SKAP2: variants seen among roughly 807,000 people sequenced by gnomAD.
The protein encoded by SKAP2 is src kinase associated phosphoprotein 2.
A neutral mutation model predicts 54.9 loss-of-function variants in SKAP2; 28 were observed. The ratio of observed to expected loss-of-function variants is 0.51; its 90% CI spans 0.38 to 0.70. SKAP2 has a LOEUF of 0.70. SKAP2 is among the 30% of genes least tolerant of loss of function. The pLI, the probability that SKAP2 is intolerant of heterozygous loss-of-function variation, is 0.00. For missense variants in SKAP2, 356 were observed against 424.1 expected, an observed-to-expected ratio of 0.84 and a Z score of 1.41; for synonymous variants, 137 against 134.3, an observed-to-expected ratio of 1.02 and a Z score of -0.14.
intron 4 of SKAP2, among the ~76,000 whole-genome samples, chr7:26,783,909 T>C (rs929653326): frequency 2.0e-5 from 3 of 151,682 alleles, no homozygotes; most frequent in African/African-American, 4.9e-5. Flanking sequence ...AACCTGCACA[T>C]TATGCACATG....
chr7:26,826,273 A>G (rs530656910), intron 4 of SKAP2, among the ~76,000 whole-genome samples: 3 of 152,198 alleles, frequency 2.0e-5, no homozygotes, highest in Non-Finnish European at 4.4e-5. Flanking sequence ...GTGGGTGGTC[A>G]TCTTTGCCAC....
intron 1 of SKAP2, among the ~76,000 whole-genome samples, chr7:26,860,342 C>A (rs1190897693): frequency 1.3e-5 from 2 of 152,140 alleles, no homozygotes; most frequent in Non-Finnish European, 2.9e-5. Context: ...TTAGCCCATA[C>A]AAAAAACTCT....
At chr7:26,720,920 A>G (rs999404009) in intron 9 of SKAP2, among the ~76,000 whole-genome samples, 1 of 152,186 alleles carries the variant, frequency 6.6e-6, no homozygotes, top group African/African-American at 2.4e-5. Context: ...CAGCCAAACC[A>G]TATCACCATC....
chr7:26,843,273 G>A (rs1159599158), intron 4 of SKAP2, among the ~76,000 whole-genome samples: 1 of 151,956 alleles, frequency 6.6e-6, no homozygotes, highest in African/African-American at 2.4e-5. Flanking sequence ...AACTTTGAGT[G>A]CTACAAATTA....
At chr7:26,730,345 T>C (rs1017710292) in intron 6 of SKAP2, among the ~76,000 whole-genome samples, 2 of 152,344 alleles carry the variant, frequency 1.3e-5, no homozygotes, top group East Asian at 3.9e-4. Context: ...AAAGTCCATT[T>C]ACCCAGCACT....
intron 9 of SKAP2, among the ~76,000 whole-genome samples, chr7:26,691,881 A>G (rs1322880476): frequency 6.6e-6 from 1 of 152,190 alleles, no homozygotes; most frequent in South Asian, 2.1e-4. Flanking sequence ...GGTAGGAGTT[A>G]CGCTCATAGT....
chr7:26,786,659 C>T (rs936206048), intron 4 of SKAP2, among the ~76,000 whole-genome samples: 19 of 152,334 alleles, frequency 1.2e-4, no homozygotes, highest in Non-Finnish European at 2.5e-4. Context: ...TAAAGGAAAA[C>T]ATTCTTAATT....
intron 10 of SKAP2, 93 bp from the exon 11 acceptor site, chr7:26,684,941 A>T: frequency 1.4e-6 from 1 of 702,870 alleles, no homozygotes; most frequent in Non-Finnish European, 2.5e-6. Flanking sequence ...GATGCCCTAG[A>T]TCACTAAAAT....
the SKAP2 span, among the ~76,000 whole-genome samples, chr7:26,655,137 G>C: frequency 6.6e-6 from 1 of 152,192 alleles, no homozygotes; most frequent in Non-Finnish European, 1.5e-5. Context: ...ACTCTTACAG[G>C]ATTCCATAAC....
At chr7:26,748,570 C>T (rs1202871230) in intron 4 of SKAP2, among the ~76,000 whole-genome samples, 2 of 152,012 alleles carry the variant, frequency 1.3e-5, no homozygotes, top group Admixed American at 1.3e-4. Flanking sequence ...TCTTTATCTG[C>T]CTATATCTTA....
intron 4 of SKAP2, among the ~76,000 whole-genome samples, chr7:26,775,592 T>C (rs1383647520): frequency 6.6e-6 from 1 of 151,572 alleles, no homozygotes; most frequent in Non-Finnish European, 1.5e-5. Context: ...TCTCATCACC[T>C]GTGTAGGTTA....
chr7:26,712,401 G>T (rs1787329947), intron 9 of SKAP2, among the ~76,000 whole-genome samples: 1 of 152,184 alleles, frequency 6.6e-6, no homozygotes, highest in African/African-American at 2.4e-5. Flanking sequence ...ATGAAGATGA[G>T]ATTTGGTTGG....
chr7:26,811,534 T>C (rs1212290360), intron 4 of SKAP2, among the ~76,000 whole-genome samples: 1 of 152,218 alleles, frequency 6.6e-6, no homozygotes, highest in Non-Finnish European at 1.5e-5. Context: ...AATGGACCTA[T>C]ATGTAAAAAC....
intron 4 of SKAP2, among the ~76,000 whole-genome samples, chr7:26,836,447 G>C (rs1410117607): frequency 6.6e-6 from 1 of 152,158 alleles, no homozygotes; most frequent in East Asian, 1.9e-4. Flanking sequence ...CTATCCATCT[G>C]ACAAAGGGCT....
At chr7:26,850,686 C>T (rs565557281) in intron 3 of SKAP2, among the ~76,000 whole-genome samples, 1 of 152,090 alleles carries the variant, frequency 6.6e-6, no homozygotes, top group South Asian at 2.1e-4. Flanking sequence ...ACTATCTGTT[C>T]CAGATAAAAC....
intron 10 of SKAP2, among the ~76,000 whole-genome samples, chr7:26,685,401 C>T (rs1419698994): frequency 1.3e-5 from 2 of 151,954 alleles, no homozygotes; most frequent in African/African-American, 4.8e-5. Flanking sequence ...AACGTGGAAA[C>T]GGTATAAAGA....
intron 4 of SKAP2, among the ~76,000 whole-genome samples, chr7:26,838,313 A>G (rs1584419718): frequency 1.3e-5 from 2 of 151,974 alleles, no homozygotes; most frequent in East Asian, 1.9e-4. Context: ...TTCCTATTCA[A>G]TACCACCTCT....
chr7:26,798,490 C>A (rs915091905), intron 4 of SKAP2, among the ~76,000 whole-genome samples: 7 of 152,110 alleles, frequency 4.6e-5, no homozygotes, highest in Non-Finnish European at 1.0e-4. Context: ...CAATACCAGA[C>A]CTGTCCTACA....
At chr7:26,698,401 T>G (rs367649498) in intron 9 of SKAP2, among the ~76,000 whole-genome samples, 72 of 152,320 alleles carry the variant, frequency 4.7e-4, no homozygotes, top group African/African-American at 1.6e-3. Context: ...TTTCACTATG[T>G]TAACATTTGC....
Sources: allele counts gnomAD v4.1 joint callset (sites outside exome capture counted in the v4.1 genomes callset), GRCh38; gene constraint gnomAD v4.1.1; transcripts MANE v1.5; gene names NCBI Gene and HGNC (gene_info 2026-07-23, HGNC 2026-07-21).